Variants in GSDME observed in about 807,000 individuals in gnomAD.
GSDME encodes the protein gasdermin-E.
GSDME carries 44 observed loss-of-function variants against 47.5 expected under a neutral mutation model. The observed-to-expected ratio is 0.93, with a 90% CI of 0.73 to 1.19. The LOEUF is 1.19. GSDME is among the 50% of genes most tolerant of loss of function. GSDME has a pLI of 0.00. For synonymous variants in GSDME, 258 were observed against 252.8 expected, an observed-to-expected ratio of 1.02 and a Z score of -0.20; for missense variants, 663 against 604.2, an observed-to-expected ratio of 1.10 and a Z score of -1.02.
chr7:24,699,741 C>T (rs1220554189), intron 9 of GSDME, among the ~76,000 whole-genome samples: 2 of 152,158 alleles, frequency 1.3e-5, no homozygotes, highest in African/African-American at 4.8e-5. Context: ...TGATTCTATC[C>T]AATTTGTCTA....
chr7:24,702,580 TCA>T (rs1277198756), intron 9 of GSDME, 178 bp downstream of exon 9: 13 of 597,566 alleles, frequency 2.2e-5, no homozygotes, highest in East Asian at 3.7e-5. Flanking sequence ...CCTCTGGGTC[TCA>T]GTCTTCCCAT....
chr7:24,773,577 C>T, the GSDME span, among the ~76,000 whole-genome samples: 32 of 152,236 alleles, frequency 2.1e-4, no homozygotes, highest in East Asian at 5.8e-4. This position sits in a 1 kb window ranked among gnomAD's most constrained non-coding sequence, Gnocchi z 5.4. Context: ...GCAGATCTAA[C>T]GAATTTTTAA....
rs758262467 is a variant in GSDME, at chr7:24,719,134, C to CGTGATCTTCTGTGTCAAAA, written c.470_488dup (p.Thr164PhefsTer15). ...CAGAGATCACACACTTCTGCATCGT[C>CGTGATCTTCTGTGTCAAAA]GTGATCTTCTGTGTCAAAACGCACA... On this transcript the variant is annotated frameshift_variant, in exon 4 of 10. Coordinates refer to ENST00000645220, the MANE Select transcript of GSDME (RefSeq NM_001127453.2). LOFTEE classifies it high-confidence loss of function. 4 of 1,613,658 alleles carry CGTGATCTTCTGTGTCAAAA rather than the reference C, an allele frequency of 2.5e-6. No individual in the cohort carries two copies. The highest frequency in any genetic ancestry group is 3.4e-6 in the Non-Finnish European group (4 of 1,180,014).
chr7:24,720,967 G>A (rs1789759586), intron 3 of GSDME, among the ~76,000 whole-genome samples: 1 of 151,068 alleles, frequency 6.6e-6, no homozygotes. Context: ...GAACCTTGAA[G>A]ACATTATGCC....
the GSDME span, among the ~76,000 whole-genome samples, chr7:24,765,196 G>C: frequency 1.3e-5 from 2 of 152,160 alleles, no homozygotes; most frequent in South Asian, 4.1e-4. Context: ...ATTAGAAATA[G>C]ACTTGAGGTA....
intron 2 of GSDME, among the ~76,000 whole-genome samples, chr7:24,747,940 TTA>T (rs1790720823): frequency 6.6e-6 from 1 of 152,056 alleles, no homozygotes. Flanking sequence ...AGTGCTGGAA[TTA>T]CAGGCATAAG....
chr7:24,744,819 T>C lies in GSDME; in HGVS notation c.212-65A>G. The C allele has an allele frequency of 6.4e-7, 1 of 1,565,350 alleles. No homozygotes were observed. The highest frequency in any genetic ancestry group is 1.7e-5 in the Admixed American group (1 of 58,460). On this transcript the variant is annotated intron_variant, in intron 2 of 9. Coordinates refer to ENST00000645220, the MANE Select transcript of GSDME (RefSeq NM_001127453.2). The surrounding 1 kb of genome is among the most constrained non-coding windows in gnomAD (Gnocchi z 4.5). ...AAGGCCACCAAGATGTCTTGGGTCA[T>C]TTAGCTTTCCAAGCCTGTGCAGAGC...
rs375880922 is a variant in GSDME at position 24,740,324 on chromosome 7, A to C, written c.404+4238T>G. Among the ~76,000 whole-genome samples the C allele has an allele frequency of 7.2e-5, 11 of 152,112 alleles. No homozygotes were observed. In the East Asian group the frequency reaches 1.9e-3, roughly 27 times the overall value. On this transcript the variant is annotated intron_variant, in intron 3 of 9. Coordinates refer to ENST00000645220, the MANE Select transcript of GSDME (RefSeq NM_001127453.2). ...TGGTAGGGGGATGCGAGGATAGTTA[A>C]TGGGTCCAATAAAAATAGAAAGAAT... is the stretch of plus-strand genomic sequence containing the variant.
chr7:24,719,116 C>T lies in GSDME; in HGVS notation c.507G>A (p.Val169=). The T allele has an allele frequency of 6.2e-7, 1 of 1,613,894 alleles. No homozygotes were observed. The highest frequency in any genetic ancestry group is 8.5e-7 in the Non-Finnish European group (1 of 1,180,038). ...CCTCGACCTGCATGTGCTCAGAGAT[C>T]ACACACTTCTGCATCGTCGTGATCT... is the stretch of plus-strand genomic sequence containing the variant. ...TQKITTMQKC[V]ISEHMQVEEK... Residue 169 remains valine, a synonymous_variant, in exon 4 of 10, where the codon GTG becomes GTA. Transcript: ENST00000645220.
rs1790957660 is a variant in GSDME, at chr7:24,754,551, T to C, written c.-20+2845A>G. Among the ~76,000 whole-genome samples the C allele has an allele frequency of 6.7e-6, 1 of 148,756 alleles. No homozygotes were observed. The highest frequency in any genetic ancestry group is 1.5e-5 in the Non-Finnish European group (1 of 67,126). ...GTCTGGCTTCCCAGCTGAAAGCAGATGAGAACTAAAAAGGCCAAAGCAAAT... is the reference window on the plus strand; with the variant it reads ...GTCTGGCTTCCCAGCTGAAAGCAGACGAGAACTAAAAAGGCCAAAGCAAAT... On this transcript the variant is annotated intron_variant, in intron 1 of 9. Coordinates refer to ENST00000645220, the MANE Select transcript of GSDME (RefSeq NM_001127453.2). This position sits in a 1 kb window ranked among gnomAD's most constrained non-coding sequence, Gnocchi z 5.0.
chr7:24,765,572 C>T, the GSDME span, among the ~76,000 whole-genome samples: 1 of 152,202 alleles, frequency 6.6e-6, no homozygotes, highest in African/African-American at 2.4e-5. Flanking sequence ...ACGTCACTCC[C>T]CTTTTCTGTA....
At chr7:24,707,846 C>CCTAG in intron 7 of GSDME, 1 of 570,694 alleles carries the variant, frequency 1.8e-6, no homozygotes, top group Non-Finnish European at 3.1e-6. Flanking sequence ...CCTGCAGACA[C>CCTAG]CTAGACTTTG....
At chr7:24,781,105 T>C in the GSDME span, among the ~76,000 whole-genome samples, 2 of 152,202 alleles carry the variant, frequency 1.3e-5, no homozygotes, top group Admixed American at 6.5e-5. Context: ...ATGTACTGAA[T>C]GGGTAGTGAC....
Position 24,698,569 on chromosome 7 carries a change from C to A in GSDME, c.*457G>T. ...TCTAGGAGCATTTACAGTTCATTTT[C>A]AGTCATCAAATAACATACATCACTT... is the stretch of plus-strand genomic sequence containing the variant. On this transcript the variant is annotated 3_prime_UTR_variant, in exon 10 of 10. Coordinates refer to ENST00000645220, the MANE Select transcript of GSDME (RefSeq NM_001127453.2). 4.2e-6 allele frequency: 1 copy of A among 239,246 alleles called. No homozygotes were observed. The allele number at this position is 239,246 out of a possible 1,614,324, so 14.8% of individuals were successfully genotyped here. A position where few individuals can be genotyped will look rare whatever the true frequency, so the allele number is the denominator to read the frequency against.
At chr7:24,764,206 A>G in the GSDME span, among the ~76,000 whole-genome samples, 1 of 152,256 alleles carries the variant, frequency 6.6e-6, no homozygotes, top group African/African-American at 2.4e-5. The surrounding 1 kb of genome is among the most constrained non-coding windows in gnomAD (Gnocchi z 4.4). Flanking sequence ...AAGGAAAATT[A>G]TCCTGGCACC....
chr7:24,706,010 GA>G, intron 8 of GSDME, 173 bp downstream of exon 8: 1 of 701,212 alleles, frequency 1.4e-6, no homozygotes. Flanking sequence ...ACTCGAGACC[GA>G]AGGGGGGTTT....
intron 1 of GSDME, among the ~76,000 whole-genome samples, chr7:24,750,032 T>A (rs1436761267): frequency 6.6e-6 from 1 of 152,198 alleles, no homozygotes; most frequent in African/African-American, 2.4e-5. Flanking sequence ...TCCCTAAGTC[T>A]TAGTGGTTTA....
At chr7:24,718,953 G>A in intron 4 of GSDME, 94 bp downstream of exon 4, 1 of 1,386,740 alleles carries the variant, frequency 7.2e-7, no homozygotes, top group Non-Finnish European at 1.0e-6. Flanking sequence ...TACGGAAAGA[G>A]TCCTGACTAA....
Position 24,756,767 on chromosome 7 carries a change from G to A in GSDME, c.-20+629C>T, listed in dbSNP as rs1003702292. On this transcript the variant is annotated intron_variant, in intron 1 of 9. Coordinates refer to ENST00000645220, the MANE Select transcript of GSDME (RefSeq NM_001127453.2). The surrounding 1 kb of genome is among the most constrained non-coding windows in gnomAD (Gnocchi z 4.2). ...TGGAAAGGGTCAGAGGTCCTCAAAT[G>A]GAGACCAAAGGAAGCCACGCGGGCA... Among the ~76,000 whole-genome samples, 1 of 152,200 alleles carries A rather than the reference G, an allele frequency of 6.6e-6. No individual in the cohort carries two copies. The highest frequency in any genetic ancestry group is 1.5e-5 in the Non-Finnish European group (1 of 68,040).
Sources: allele counts gnomAD v4.1 joint callset (sites outside exome capture counted in the v4.1 genomes callset), GRCh38; gene constraint gnomAD v4.1.1; non-coding constraint Gnocchi (gnomAD v3.1); transcripts MANE v1.5; gene names NCBI Gene and HGNC (gene_info 2026-07-23, HGNC 2026-07-21).